The following KCNN1 variants were observed in gnomAD, a reference collection of about 807,000 sequenced individuals.
KCNN1 encodes potassium calcium-activated channel subfamily N member 1, also known as small conductance calcium-activated potassium channel protein 1.
A neutral mutation model predicts 44.7 loss-of-function variants in KCNN1; 20 were observed. That is an observed-to-expected ratio of 0.45 (90% confidence interval 0.32 to 0.65). KCNN1 has a LOEUF of 0.65. KCNN1 is among the 30% of genes least tolerant of loss of function. The pLI is 0.05. For missense variants in KCNN1, 632 were observed against 785.3 expected (o/e 0.80, Z 2.33); for synonymous variants, 324 against 341.7 (o/e 0.95, Z 0.57).
chr19:17,991,272 T>C (rs1298198471), intron 7 of KCNN1, among the ~76,000 whole-genome samples: 2 of 152,008 alleles, frequency 1.3e-5, no homozygotes, highest in African/African-American at 4.8e-5. Context: ...GGCAACAAAG[T>C]GAGACCCCGT....
intron 3 of KCNN1, 148 bp downstream of exon 3, chr19:17,975,335 T>C: frequency 1.7e-6 from 1 of 592,110 alleles, no homozygotes; most frequent in Admixed American, 3.0e-5. Context: ...AGACACACAG[T>C]TTCCATCATT....
In KCNN1 at chr19:17,974,733, G is replaced by A. The variant is rs1000502347; in HGVS notation, c.403-359G>A. On this transcript the variant is annotated intron_variant, in intron 2 of 9. Transcript: ENST00000684775. The surrounding 1 kb of genome is among the most constrained non-coding windows in gnomAD (Gnocchi z 7.3). ...GTCAGCCTGTAAACTCTGAAGTGCCGAGGCTGGATGAGGTCCGGCCTTGTG... is the reference window on the plus strand; with the variant it reads ...GTCAGCCTGTAAACTCTGAAGTGCCAAGGCTGGATGAGGTCCGGCCTTGTG... Among the ~76,000 whole-genome samples the A allele has an allele frequency of 3.9e-5, 6 of 152,208 alleles. No individual in the cohort carries two copies. The highest frequency in any genetic ancestry group is 1.9e-4 in the East Asian group (1 of 5,192).
intron 1 of KCNN1, among the ~76,000 whole-genome samples, chr19:17,969,834 TCCTGGGCCCCCTGGAGGAGGGCAGGA>T (rs2031949647): frequency 6.6e-6 from 1 of 152,194 alleles, no homozygotes; most frequent in Non-Finnish European, 1.5e-5. Flanking sequence ...GCCTGGGTTT[TCCTGGGCCCCCTGGAGGAGGGCAGGA>T]TCTGGGGTTC....
At chr19:17,952,773 ACC>A (rs1024070956) in intron 1 of KCNN1, among the ~76,000 whole-genome samples, 1 of 151,218 alleles carries the variant, frequency 6.6e-6, no homozygotes, top group Non-Finnish European at 1.5e-5. Flanking sequence ...GTAGGAGGGA[ACC>A]CCCCACCTGC....
chr19:17,982,485 A>C, intron 4 of KCNN1: 1 of 907,414 alleles, frequency 1.1e-6, no homozygotes, highest in Non-Finnish European at 1.3e-6. Context: ...AGGCACAGGG[A>C]TGCCTCCCCG....
intron 3 of KCNN1, among the ~76,000 whole-genome samples, chr19:17,980,146 C>G (rs1450391214): frequency 6.6e-6 from 1 of 150,634 alleles, no homozygotes; most frequent in African/African-American, 2.4e-5. Flanking sequence ...TCACTGCAAC[C>G]TCTGCCTCCC....
Position 17,967,129 on chromosome 19 carries a change from C to T in KCNN1, c.-270C>T, listed in dbSNP as rs2145912808. 1 of 976,876 alleles carries T rather than the reference C, an allele frequency of 1.0e-6. No homozygotes were observed. The highest frequency in any genetic ancestry group is 1.2e-6 in the Non-Finnish European group (1 of 824,468). 60.5% of individuals were successfully genotyped at this position (976,876 alleles called of 1,614,324 possible). On this transcript the variant is annotated 5_prime_UTR_variant, in exon 1 of 10. Transcript: ENST00000684775. Reference sequence around the variant, plus strand: ...GGCGGGCGCTCGCCCCCCGCCGGGCCCGTGGACTGGGCGGCGGGGGATGCG... The same window carrying T: ...GGCGGGCGCTCGCCCCCCGCCGGGCTCGTGGACTGGGCGGCGGGGGATGCG...
intron 9 of KCNN1, among the ~76,000 whole-genome samples, chr19:17,997,291 C>T (rs1222321997): frequency 6.6e-6 from 1 of 152,164 alleles, no homozygotes; most frequent in Non-Finnish European, 1.5e-5. Context: ...TCCTCTTCTT[C>T]CTAGGCAGCC....
chr19:17,962,903 A>C (rs1371136404), upstream of KCNN1, among the ~76,000 whole-genome samples: 2 of 146,208 alleles, frequency 1.4e-5, no homozygotes, highest in African/African-American at 5.1e-5. Context: ...GGGTTTCACT[A>C]TGTTGGCCAG....
At chr19:17,997,286 T>G (rs967683576) in intron 9 of KCNN1, among the ~76,000 whole-genome samples, 1 of 152,118 alleles carries the variant, frequency 6.6e-6, no homozygotes, top group African/African-American at 2.4e-5. Flanking sequence ...CCCCCTCCTC[T>G]TCTTCCTAGG....
rs1018236121 is a variant in KCNN1, at chr19:17,967,161, G to GCCGCCGCCCCCGGCC, written c.-224_-210dup. 5.2e-6 allele frequency: 5 copies of GCCGCCGCCCCCGGCC among 958,680 alleles called. No homozygotes were observed. The highest frequency in any genetic ancestry group is 1.8e-5 in the African/African-American group (1 of 56,222). 59.4% of individuals were successfully genotyped at this position (958,680 alleles called of 1,614,324 possible). A position where few individuals can be genotyped will look rare whatever the true frequency, so the allele number is the denominator to read the frequency against. Reference sequence around the variant, plus strand: ...CTGGGCGGCGGGGGATGCGCCTGCCGCCGCCGCCCCCGGCCCCGCCGCCCC... The same window carrying GCCGCCGCCCCCGGCC: ...CTGGGCGGCGGGGGATGCGCCTGCCGCCGCCGCCCCCGGCCCCGCCGCCCCCGGCCCCGCCGCCCC... On this transcript the variant is annotated 5_prime_UTR_variant, in exon 1 of 10. Coordinates refer to ENST00000684775, the MANE Select transcript of KCNN1 (RefSeq NM_001386974.1).
Position 17,974,844 on chromosome 19 carries a change from G to A in KCNN1, c.403-248G>A, listed in dbSNP as rs1172961655. Among the ~76,000 whole-genome samples, 1 of 152,210 alleles carries A rather than the reference G, an allele frequency of 6.6e-6. No homozygotes were observed. Among genetic ancestry groups the A allele is most frequent in the African/African-American group, 2.4e-5 (1 of 41,442 alleles). ...ATCTTGCTGTCAGCCCAGTCCCCAG[G>A]AATAAGGACAGGAGAGCACCGCTTC... On this transcript the variant is annotated intron_variant, in intron 2 of 9. Coordinates refer to ENST00000684775, the MANE Select transcript of KCNN1 (RefSeq NM_001386974.1). This position sits in a 1 kb window ranked among gnomAD's most constrained non-coding sequence, Gnocchi z 7.3.
intron 9 of KCNN1, among the ~76,000 whole-genome samples, chr19:17,994,690 T>C (rs1451913572): frequency 6.6e-6 from 1 of 152,086 alleles, no homozygotes; most frequent in African/African-American, 2.4e-5. Context: ...ATTACAGGCA[T>C]GCACCAGCAT....
At chr19:17,954,336 A>C (rs979706124) in intron 1 of KCNN1, among the ~76,000 whole-genome samples, 1 of 152,166 alleles carries the variant, frequency 6.6e-6, no homozygotes, top group Non-Finnish European at 1.5e-5. Flanking sequence ...AGGCACCTGT[A>C]ATCCCAGATG....
At chr19:17,988,377 G>T in intron 5 of KCNN1, 38 bp from the exon 6 acceptor site, 2 of 1,555,208 alleles carry the variant, frequency 1.3e-6, no homozygotes, top group East Asian at 2.3e-5. Flanking sequence ...GTGACCTCAA[G>T]ACAGGACGCT....
upstream of KCNN1, among the ~76,000 whole-genome samples, chr19:17,963,427 C>T (rs1354102798): frequency 6.6e-6 from 1 of 151,812 alleles, no homozygotes; most frequent in East Asian, 1.9e-4. Flanking sequence ...ATTCTCCTGC[C>T]TCTCAGCCTC....
intron 2 of KCNN1, among the ~76,000 whole-genome samples, chr19:17,958,630 A>G (rs2031601217): frequency 6.6e-6 from 1 of 151,638 alleles, no homozygotes; most frequent in Admixed American, 6.6e-5. Context: ...GGGACTATAG[A>G]TAGGTGCCTG....
chr19:17,990,377 G>A (rs2032745506), intron 7 of KCNN1, among the ~76,000 whole-genome samples: 1 of 151,930 alleles, frequency 6.6e-6, no homozygotes, highest in African/African-American at 2.4e-5. Flanking sequence ...CCAGATACTC[G>A]GGAGGCTGAG....
At position 17,975,094 on chromosome 19, in the gene KCNN1, GTC is replaced by G. The variant is rs1481986985; in HGVS notation, c.409_410del (p.Leu137ValfsTer38). On this transcript the variant is annotated frameshift_variant, in exon 3 of 10. Transcript: ENST00000684775. LOFTEE classifies it high-confidence loss of function. The stretch of plus-strand genomic sequence containing the variant: ...GCTGTGTCCTCTCTCTTTACCAGGA[GTC>G]TCTGTACTCATTCGCACTCAAATGC... ...ELSWGVYTKE[S>X]LYSFALKCLI... is the part of the protein sequence containing the mutation. The G allele has an allele frequency of 6.2e-7, 1 of 1,613,106 alleles. No homozygotes were observed. The highest frequency in any genetic ancestry group is 2.2e-5 in the East Asian group (1 of 44,872).
Sources: gnomAD v4.1 joint callset for allele counts (sites outside exome capture counted in the v4.1 genomes callset) on GRCh38, gnomAD v4.1.1 for gene constraint, Gnocchi (gnomAD v3.1) non-coding constraint, MANE v1.5 for transcripts, NCBI Gene and HGNC (gene_info 2026-07-23, HGNC 2026-07-21) for gene names.